The following SORCS3 variants were observed in gnomAD, a reference collection of about 807,000 sequenced individuals.
SORCS3 encodes the protein sortilin related VPS10 domain containing receptor 3.
Under a neutral mutation model 146.3 loss-of-function variants are expected in SORCS3, and 57 were observed. The observed-to-expected ratio is 0.39, with a 90% CI of 0.31 to 0.49. SORCS3 has a LOEUF of 0.49. SORCS3 is among the 20% of genes least tolerant of loss of function. The pLI, the probability that SORCS3 is intolerant of heterozygous loss-of-function variation, is 0.92. For synonymous variants in SORCS3, 653 were observed against 618.5 expected, an observed-to-expected ratio of 1.06 and a Z score of -0.83; for missense variants, 1,341 against 1,575.5, an observed-to-expected ratio of 0.85 and a Z score of 2.52.
At chr10:104,851,380 A>G (rs1162671170) in intron 2 of SORCS3, among the ~76,000 whole-genome samples, 1 of 152,228 alleles carries the variant, frequency 6.6e-6, no homozygotes, top group Non-Finnish European at 1.5e-5. Context: ...CAAATGCAAC[A>G]CCATTTTATC....
intron 2 of SORCS3, among the ~76,000 whole-genome samples, chr10:104,855,155 G>A (rs2018315872): frequency 6.6e-6 from 1 of 152,178 alleles, no homozygotes; most frequent in South Asian, 2.1e-4. Flanking sequence ...ATATGGGACT[G>A]TTTTTTGCTG....
chr10:105,045,195 T>C (rs1299203624), intron 5 of SORCS3, among the ~76,000 whole-genome samples: 1 of 152,056 alleles, frequency 6.6e-6, no homozygotes, highest in Non-Finnish European at 1.5e-5. Flanking sequence ...TGAATGAAAT[T>C]AAGTGCCTAA....
At chr10:104,974,793 A>C (rs1230710153) in intron 3 of SORCS3, among the ~76,000 whole-genome samples, 1 of 152,156 alleles carries the variant, frequency 6.6e-6, no homozygotes, top group African/African-American at 2.4e-5. Context: ...CCTAGCCTTG[A>C]TGATCTTTAC....
At chr10:105,049,529 T>C (rs748876674) in intron 5 of SORCS3, among the ~76,000 whole-genome samples, 1 of 152,018 alleles carries the variant, frequency 6.6e-6, no homozygotes, top group Non-Finnish European at 1.5e-5. Flanking sequence ...CCTTACAACA[T>C]GGAGGAGGGA....
intron 1 of SORCS3, among the ~76,000 whole-genome samples, chr10:104,710,266 A>C (rs1436757044): frequency 6.6e-6 from 1 of 152,168 alleles, no homozygotes; most frequent in Non-Finnish European, 1.5e-5. Flanking sequence ...AGCTTGAGAA[A>C]AGTCATTTGA....
chr10:104,793,634 G>A (rs1023571840), intron 1 of SORCS3, among the ~76,000 whole-genome samples: 4 of 152,172 alleles, frequency 2.6e-5, no homozygotes, highest in African/African-American at 9.6e-5. Context: ...ATGGCTTTTA[G>A]TATTTTTCTC....
chr10:105,050,465 A>G (rs2055403049), intron 5 of SORCS3, among the ~76,000 whole-genome samples: 1 of 152,154 alleles, frequency 6.6e-6, no homozygotes. Flanking sequence ...GCCAAAAGCC[A>G]ATGAGAAACT....
At chr10:104,706,679 C>T (rs1391346194) in intron 1 of SORCS3, among the ~76,000 whole-genome samples, 1 of 152,128 alleles carries the variant, frequency 6.6e-6, no homozygotes, top group Non-Finnish European at 1.5e-5. Flanking sequence ...TCCCACTTCC[C>T]TGTGGATAAA....
intron 1 of SORCS3, among the ~76,000 whole-genome samples, chr10:104,770,783 T>G (rs952347894): frequency 5.9e-5 from 9 of 152,130 alleles, no homozygotes; most frequent in South Asian, 4.2e-4. Flanking sequence ...CAGTGAGCTG[T>G]GATCCAGCCT....
intron 14 of SORCS3, among the ~76,000 whole-genome samples, chr10:105,185,569 T>G (rs1176656424): frequency 1.3e-5 from 2 of 152,238 alleles, no homozygotes; most frequent in African/African-American, 4.8e-5. Flanking sequence ...TATCTGCAAT[T>G]TCATAACTAC....
At chr10:104,913,406 A>C (rs2018990484) in intron 2 of SORCS3, among the ~76,000 whole-genome samples, 1 of 152,228 alleles carries the variant, frequency 6.6e-6, no homozygotes, top group African/African-American at 2.4e-5. Context: ...GGCAAGGAGA[A>C]AGATTGGGAG....
intron 1 of SORCS3, among the ~76,000 whole-genome samples, chr10:104,812,349 C>T (rs2017750418): frequency 1.3e-5 from 2 of 152,150 alleles, no homozygotes; most frequent in Admixed American, 1.3e-4. Flanking sequence ...TAGGTCCATC[C>T]TTAGTTATTT....
intron 5 of SORCS3, among the ~76,000 whole-genome samples, chr10:105,078,469 C>A (rs930302900): frequency 6.6e-5 from 10 of 151,634 alleles, no homozygotes; most frequent in African/African-American, 1.9e-4. Context: ...CACTCTGTGT[C>A]AATAGTTACA....
intron 2 of SORCS3, among the ~76,000 whole-genome samples, chr10:104,872,076 A>AT (rs1357475179): frequency 6.6e-6 from 1 of 152,178 alleles, no homozygotes; most frequent in Non-Finnish European, 1.5e-5. Context: ...TACACAAAGT[A>AT]TACATACCCT....
At chr10:104,863,583 C>T (rs2018428279) in intron 2 of SORCS3, among the ~76,000 whole-genome samples, 1 of 152,158 alleles carries the variant, frequency 6.6e-6, no homozygotes, top group African/African-American at 2.4e-5. Flanking sequence ...TGTATGTGCT[C>T]AGTAAGTGTC....
chr10:104,724,140 T>C (rs12770567), intron 1 of SORCS3, among the ~76,000 whole-genome samples: 30,144 of 152,152 alleles, frequency 0.2, 3,271 homozygotes, highest in Non-Finnish European at 0.25. Context: ...TGTTTAGTGC[T>C]TCCTTCAGGA....
intron 1 of SORCS3, among the ~76,000 whole-genome samples, chr10:104,774,011 G>A (rs1042073719): frequency 6.6e-6 from 1 of 152,156 alleles, no homozygotes; most frequent in Non-Finnish European, 1.5e-5. Flanking sequence ...CCTATCCTCT[G>A]TTCCTTCTGG....
intron 17 of SORCS3, among the ~76,000 whole-genome samples, chr10:105,213,670 A>G (rs1381083447): frequency 6.6e-6 from 1 of 152,184 alleles, no homozygotes; most frequent in African/African-American, 2.4e-5. Context: ...TGGGCAAGGA[A>G]GATGACATGG....
intron 4 of SORCS3, among the ~76,000 whole-genome samples, chr10:105,038,771 A>AT (rs1185334398): frequency 1.3e-5 from 2 of 151,916 alleles, no homozygotes; most frequent in Non-Finnish European, 2.9e-5. Flanking sequence ...TTTATAACAT[A>AT]TTTTTAAATT....
Sources: allele counts gnomAD v4.1 joint callset (sites outside exome capture counted in the v4.1 genomes callset), GRCh38; gene constraint gnomAD v4.1.1; transcripts MANE v1.5; gene names NCBI Gene and HGNC (gene_info 2026-07-23, HGNC 2026-07-21).